Variants in EPHA4 observed in about 807,000 individuals in gnomAD.
EPHA4 encodes ephrin type-A receptor 4.
A neutral mutation model predicts 108.3 loss-of-function variants in EPHA4; 19 were observed. The observed-to-expected ratio is 0.18, with a 90% CI of 0.12 to 0.26. EPHA4 has a LOEUF of 0.26. EPHA4 is among the 10% of genes least tolerant of loss of function. The pLI is 1.00. For synonymous variants in EPHA4, 449 were observed against 455.5 expected, an observed-to-expected ratio of 0.99 and a Z score of 0.18; for missense variants, 917 against 1,254.0, an observed-to-expected ratio of 0.73 and a Z score of 4.06.
At chr2:221,468,822 C>T (rs1304536247) in intron 5 of EPHA4, among the ~76,000 whole-genome samples, 1 of 152,196 alleles carries the variant, frequency 6.6e-6, no homozygotes, top group Non-Finnish European at 1.5e-5. Context: ...AGAGGTAAGA[C>T]ATTGATCATT....
intron 3 of EPHA4, among the ~76,000 whole-genome samples, chr2:221,507,482 C>T (rs1692666161): frequency 6.6e-6 from 1 of 151,926 alleles, no homozygotes; most frequent in South Asian, 2.1e-4. Context: ...TTTACATTTA[C>T]ATTGTTTTAG....
At chr2:221,453,384 C>G (rs1690843139) in intron 8 of EPHA4, among the ~76,000 whole-genome samples, 1 of 152,082 alleles carries the variant, frequency 6.6e-6, no homozygotes, top group Non-Finnish European at 1.5e-5. Context: ...CCTATACACT[C>G]CCCCACATGC....
chr2:221,453,641 T>G (rs574924697), intron 8 of EPHA4, among the ~76,000 whole-genome samples: 2 of 152,320 alleles, frequency 1.3e-5, no homozygotes, highest in South Asian at 2.1e-4. Context: ...CTATATGTTT[T>G]TGTATGTGTG....
rs1694822144 is a variant in EPHA4, at chr2:221,571,114, G to C, written c.91+1044C>G. 6.6e-6 allele frequency among the ~76,000 whole-genome samples: 1 copy of C among 151,972 alleles called. No homozygotes were observed. The highest frequency in any genetic ancestry group is 3.4e-3 in the Middle Eastern group (1 of 292). ...CGCGTCCGCTTCCACGCAGGCATTC[G>C]CGCACCTACATACACGCAGTTGCAC... On this transcript the variant is annotated intron_variant, in intron 1 of 17. Transcript: ENST00000281821. This position sits in a 1 kb window ranked among gnomAD's most constrained non-coding sequence, Gnocchi z 6.3.
At chr2:221,500,868 C>G (rs1692465693) in intron 4 of EPHA4, 149 bp downstream of exon 4, 1 of 936,012 alleles carries the variant, frequency 1.1e-6, no homozygotes, top group African/African-American at 1.7e-5. Flanking sequence ...TTTTTACAAG[C>G]ATTTCCCCTG....
At chr2:221,444,791 T>C (rs950454072) in intron 9 of EPHA4, among the ~76,000 whole-genome samples, 1 of 131,830 alleles carries the variant, frequency 7.6e-6, no homozygotes. Flanking sequence ...AGAGTCTGGC[T>C]GTGTCGCTCA....
intron 1 of EPHA4, 26 bp downstream of exon 1, chr2:221,572,132 C>G: frequency 1.2e-6 from 2 of 1,603,190 alleles, no homozygotes; most frequent in South Asian, 1.1e-5. Context: ...CTGTCCCCGA[C>G]CACAGAAAGG....
chr2:221,464,897 T>C (rs537641406), intron 5 of EPHA4, among the ~76,000 whole-genome samples: 3 of 152,200 alleles, frequency 2.0e-5, no homozygotes, highest in Non-Finnish European at 4.4e-5. Flanking sequence ...GAAATTGACA[T>C]TGATTTTTCT....
intron 6 of EPHA4, among the ~76,000 whole-genome samples, chr2:221,457,587 T>A (rs930033314): frequency 6.6e-6 from 1 of 152,362 alleles, no homozygotes; most frequent in South Asian, 2.1e-4. Flanking sequence ...TATTGTTATT[T>A]TCTACTTTTC....
chr2:221,495,662 G>A (rs1368206696), intron 4 of EPHA4, among the ~76,000 whole-genome samples: 2 of 152,152 alleles, frequency 1.3e-5, no homozygotes, highest in Admixed American at 6.5e-5. Flanking sequence ...TATTCCCAAA[G>A]GTAAAGTTTG....
At chr2:221,500,875 CCTG>C in intron 4 of EPHA4, 139 bp downstream of exon 4, 8 of 996,548 alleles carry the variant, frequency 8.0e-6, no homozygotes, top group Non-Finnish European at 1.1e-5. Context: ...AAGCATTTCC[CCTG>C]CTATGATTGA....
At chr2:221,532,307 G>C in intron 3 of EPHA4, among the ~76,000 whole-genome samples, 1 of 152,006 alleles carries the variant, frequency 6.6e-6, no homozygotes, top group East Asian at 1.9e-4. Context: ...ATTTTTAGTA[G>C]AGACGGGGTT....
At chr2:221,490,204 AAATAAT>A (rs563197411) in intron 4 of EPHA4, among the ~76,000 whole-genome samples, 4 of 150,810 alleles carry the variant, frequency 2.7e-5, no homozygotes, top group African/African-American at 7.3e-5. Flanking sequence ...AAGCTAAGCA[AAATAAT>A]AATAATAATA....
intron 8 of EPHA4, 66 bp downstream of exon 8, chr2:221,455,481 G>A: frequency 2.4e-6 from 3 of 1,252,054 alleles, no homozygotes; most frequent in Non-Finnish European, 2.3e-6. Context: ...TTGTGTGGAA[G>A]AGAAAAAAAC....
intron 8 of EPHA4, among the ~76,000 whole-genome samples, chr2:221,446,457 A>T (rs899377105): frequency 6.6e-6 from 1 of 152,094 alleles, no homozygotes; most frequent in Non-Finnish European, 1.5e-5. Flanking sequence ...TATAATTATA[A>T]TTTAAAATCT....
At chr2:221,435,177 T>C (rs1376542160) in intron 13 of EPHA4, among the ~76,000 whole-genome samples, 5 of 152,168 alleles carry the variant, frequency 3.3e-5, no homozygotes, top group Non-Finnish European at 7.4e-5. Context: ...GAAATTGCTT[T>C]GATACATTGC....
chr2:221,506,905 TG>T (rs1692647751), intron 3 of EPHA4, among the ~76,000 whole-genome samples: 1 of 152,232 alleles, frequency 6.6e-6, no homozygotes, highest in Admixed American at 6.5e-5. Flanking sequence ...AGTACTTTTT[TG>T]CAATATAGAG....
intron 3 of EPHA4, among the ~76,000 whole-genome samples, chr2:221,514,214 C>T (rs890611576): frequency 6.6e-6 from 1 of 152,222 alleles, no homozygotes; most frequent in South Asian, 2.1e-4. Flanking sequence ...AGGTCCTCTG[C>T]ACCCAGTTTG....
rs1689880029 is a variant in EPHA4 at position 221,425,772 on chromosome 2, A to G, written c.*256T>C. On this transcript the variant is annotated 3_prime_UTR_variant, in exon 17 of 18. Transcript: ENST00000281821. The stretch of plus-strand genomic sequence containing the variant: ...CTATTTCTATAGGTACATGTATTTT[A>G]CAGACTGGTGATGAACAGAAAAGTA... 1 of 445,894 alleles carries G rather than the reference A, an allele frequency of 2.2e-6. No homozygotes were observed. The highest frequency in any genetic ancestry group is 4.0e-6 in the Non-Finnish European group (1 of 248,382). 27.6% of individuals were successfully genotyped at this position (445,894 alleles called of 1,614,324 possible).
Sources: gnomAD v4.1 joint callset for allele counts (sites outside exome capture counted in the v4.1 genomes callset) on GRCh38, gnomAD v4.1.1 for gene constraint, Gnocchi (gnomAD v3.1) non-coding constraint, MANE v1.5 for transcripts, NCBI Gene and HGNC (gene_info 2026-07-23, HGNC 2026-07-21) for gene names.